Variants in PCDHA2 observed in about 807,000 individuals in gnomAD.
The protein encoded by PCDHA2 is protocadherin alpha 2.
PCDHA2 carries 58 observed loss-of-function variants against 66.0 expected under a neutral mutation model. The ratio of observed to expected loss-of-function variants is 0.88; its 90% CI spans 0.71 to 1.09. The LOEUF (loss-of-function observed/expected upper bound fraction) is 1.09, where lower values mean the gene tolerates loss of function less well. Among genes scored for constraint, PCDHA2 ranks in the 50% least tolerant of loss-of-function variants. PCDHA2 has a pLI of 0.00. For synonymous variants in PCDHA2, 634 were observed against 554.0 expected (o/e 1.14, Z -2.03); for missense variants, 1,267 against 1,242.3 (o/e 1.02, Z -0.30).
intron 1 of PCDHA2, among the ~76,000 whole-genome samples, chr5:140,888,841 C>T (rs2062001270): frequency 1.3e-5 from 2 of 151,998 alleles, no homozygotes; most frequent in Admixed American, 1.3e-4. Flanking sequence ...CCACTGCAGC[C>T]TGGTGACAGA....
chr5:140,876,486 G>A, intron 1 of PCDHA2: 1 of 1,614,014 alleles, frequency 6.2e-7, no homozygotes, highest in Non-Finnish European at 8.5e-7. Context: ...TGGTCCTGGT[G>A]GAAGTTCTGG....
intron 1 of PCDHA2, chr5:140,805,162 G>A: frequency 6.5e-7 from 1 of 1,541,292 alleles, no homozygotes; most frequent in Non-Finnish European, 8.7e-7. Context: ...TCACTTCACA[G>A]ATGTACTGAT....
Position 140,896,030 on chromosome 5 carries a change from C to T in PCDHA2, c.2389-82919C>T, listed in dbSNP as rs180907288. On this transcript the variant is annotated intron_variant, in intron 1 of 3. Transcript: ENST00000526136. ...TTCTCCATGTTGGCCAGGCTGGTCT[C>T]GAACTCCTGACCTCAGGTGATCCGC... Among the ~76,000 whole-genome samples, 1,221 of 152,240 alleles carry T rather than the reference C, an allele frequency of 8.0e-3. 6 individuals are homozygous for T. The highest frequency in any genetic ancestry group is 0.019 in the African/African-American group (785 of 41,560).
At chr5:140,925,142 C>G (rs2082353538) in intron 1 of PCDHA2, among the ~76,000 whole-genome samples, 1 of 151,570 alleles carries the variant, frequency 6.6e-6, no homozygotes, top group African/African-American at 2.4e-5. Context: ...TTCAAACATA[C>G]ACAAAAGTTG....
chr5:140,893,656 TA>T (rs1241356048), intron 1 of PCDHA2, among the ~76,000 whole-genome samples: 28 of 152,340 alleles, frequency 1.8e-4, no homozygotes, highest in Admixed American at 1.6e-3. Flanking sequence ...CTGATAGTTT[TA>T]AAAAATTTCA....
chr5:140,935,957 A>G (rs1427987096), intron 1 of PCDHA2, among the ~76,000 whole-genome samples: 5 of 150,604 alleles, frequency 3.3e-5, no homozygotes, highest in African/African-American at 1.2e-4. Context: ...AAGTGGTACA[A>G]TCTTGGCTCA....
chr5:140,978,652 C>T (rs555324579), intron 1 of PCDHA2, among the ~76,000 whole-genome samples: 2 of 152,320 alleles, frequency 1.3e-5, no homozygotes, highest in East Asian at 1.9e-4. Flanking sequence ...CTGTTCTTCC[C>T]GTAGTGTTTT....
intron 3 of PCDHA2, among the ~76,000 whole-genome samples, chr5:140,982,814 A>G (rs1166333981): frequency 6.6e-6 from 1 of 151,580 alleles, no homozygotes; most frequent in Non-Finnish European, 1.5e-5. Context: ...TGTGTGTATG[A>G]AGTTTTTGGG....
rs930699906 is a variant in PCDHA2 at position 140,851,715 on chromosome 5, G to A, written c.2388+54363G>A. The A allele has an allele frequency of 9.3e-6, 9 of 963,892 alleles. No individual in the cohort carries two copies. In the East Asian group the frequency reaches 3.4e-4, roughly 37 times the overall value. The allele number at this position is 963,892 out of a possible 1,614,324, so 59.7% of individuals were successfully genotyped here. On this transcript the variant is annotated intron_variant, in intron 1 of 3. Transcript: ENST00000526136. Reference sequence around the variant, plus strand: ...AAAATGATCAGCCATGTGAAGATTCGAAACTTCGAGTTCTTTTGAAATTCA... The same window carrying A: ...AAAATGATCAGCCATGTGAAGATTCAAAACTTCGAGTTCTTTTGAAATTCA...
chr5:140,863,196 G>A (rs782500346), intron 1 of PCDHA2: 4 of 874,850 alleles, frequency 4.6e-6, no homozygotes, highest in Non-Finnish European at 7.2e-6. Flanking sequence ...TGGTGGCGTC[G>A]CTGGCGGAGA....
intron 1 of PCDHA2, chr5:140,854,002 A>G: frequency 2.5e-6 from 1 of 395,852 alleles, no homozygotes; most frequent in Non-Finnish European, 3.5e-6. Flanking sequence ...ATCTCTGCCA[A>G]AAAAAAAAAA....
intron 1 of PCDHA2, among the ~76,000 whole-genome samples, chr5:140,931,177 A>G (rs1288307941): frequency 1.3e-5 from 2 of 152,200 alleles, no homozygotes; most frequent in African/African-American, 4.8e-5. Context: ...ATTTTAGGGA[A>G]GGAAATTGGT....
chr5:140,964,964 C>A (rs1035701368), intron 1 of PCDHA2, among the ~76,000 whole-genome samples: 1 of 152,094 alleles, frequency 6.6e-6, no homozygotes, highest in Non-Finnish European at 1.5e-5. Flanking sequence ...GTTGGTGGAA[C>A]GAAGGGATGT....
rs1554156315 is a variant in PCDHA2 at position 140,862,411 on chromosome 5, A to C, written c.2388+65059A>C. ...CTTCAAGCTGGTGTCTACCTTCAAA[A>C]GGCGCTGCCCAGAAACTATTCGTTG... On this transcript the variant is annotated intron_variant, in intron 1 of 3. Transcript: ENST00000526136. 3 of 349,868 alleles carry C rather than the reference A, an allele frequency of 8.6e-6. No individual in the cohort carries two copies. The Admixed American group carries it at 1.1e-4, about 13-fold the overall frequency. The allele number at this position is 349,868 out of a possible 1,614,324, so 21.7% of individuals were successfully genotyped here.
intron 1 of PCDHA2, among the ~76,000 whole-genome samples, chr5:140,956,151 C>A (rs1193859248): frequency 6.6e-6 from 1 of 152,156 alleles, no homozygotes; most frequent in African/African-American, 2.4e-5. Flanking sequence ...CTTTCTCTTT[C>A]CTAATTGCCA....
chr5:140,928,672 GC>G (rs1466783332), intron 1 of PCDHA2: 1 of 1,614,058 alleles, frequency 6.2e-7, no homozygotes, highest in East Asian at 2.2e-5. Flanking sequence ...TGGTTCTAAT[GC>G]CTGGCTTTCC....
chr5:140,801,272 G>A, intron 1 of PCDHA2: 3 of 1,613,682 alleles, frequency 1.9e-6, no homozygotes, highest in Non-Finnish European at 2.5e-6. Flanking sequence ...CAGCCTCGGA[G>A]GTGGGGAGCG....
In PCDHA2 at chr5:140,856,431, A is replaced by G. The variant is rs782173275; in HGVS notation, c.2388+59079A>G. 21 of 1,597,862 alleles carry G rather than the reference A, an allele frequency of 1.3e-5. 4 individuals are homozygous for G. In the South Asian group the frequency reaches 2.2e-4, roughly 17 times the overall value. On this transcript the variant is annotated intron_variant, in intron 1 of 3. Transcript: ENST00000526136. ...GTGGAAGTGAAGGACATTAACGACA[A>G]CCCGCCCAGGTTCTCCGTAACAGAA...
At chr5:140,858,233 G>A in intron 1 of PCDHA2, 2 of 1,596,216 alleles carry the variant, frequency 1.3e-6, no homozygotes, top group Non-Finnish European at 1.7e-6. Flanking sequence ...CACCGAGGGC[G>A]CATGTGGGCC....
Sources: allele counts gnomAD v4.1 joint callset (sites outside exome capture counted in the v4.1 genomes callset), GRCh38; gene constraint gnomAD v4.1.1; transcripts MANE v1.5; gene names NCBI Gene and HGNC (gene_info 2026-07-23, HGNC 2026-07-21).